Variants in ATP13A4 observed in about 807,000 individuals in gnomAD.
The protein encoded by ATP13A4 is probable cation-transporting ATPase 13A4.
A neutral mutation model predicts 142.5 loss-of-function variants in ATP13A4; 114 were observed. That is an observed-to-expected ratio of 0.80 (90% CI 0.69 to 0.93). The LOEUF (loss-of-function observed/expected upper bound fraction) is 0.93. Among genes scored for constraint, ATP13A4 ranks in the 40% least tolerant of loss-of-function variants. The pLI, the probability that ATP13A4 is intolerant of heterozygous loss-of-function variation, is 0.00. For missense variants in ATP13A4, 1,392 were observed against 1,454.0 expected, an observed-to-expected ratio of 0.96 and a Z score of 0.69; for synonymous variants, 488 against 514.8, an observed-to-expected ratio of 0.95 and a Z score of 0.70.
intron 2 of ATP13A4, among the ~76,000 whole-genome samples, chr3:193,507,376 G>T (rs1177617960): frequency 6.6e-6 from 1 of 151,640 alleles, no homozygotes; most frequent in Non-Finnish European, 1.5e-5. Context: ...ACTCATTGAT[G>T]CTCTTAACAT....
chr3:193,439,856 A>G (rs74659624), intron 21 of ATP13A4, among the ~76,000 whole-genome samples: 10,485 of 152,188 alleles, frequency 0.069, 621 homozygotes, highest in East Asian at 0.18. Flanking sequence ...TGAGCTGAGA[A>G]GCTAGCCTGA....
chr3:193,447,139 A>C (rs1451599929), intron 18 of ATP13A4, among the ~76,000 whole-genome samples: 1 of 152,242 alleles, frequency 6.6e-6, no homozygotes, highest in African/African-American at 2.4e-5. Context: ...AAGGAGGAAC[A>C]CTTGTACATA....
intron 13 of ATP13A4, among the ~76,000 whole-genome samples, chr3:193,461,297 C>T (rs1239847223): frequency 6.6e-6 from 1 of 152,198 alleles, no homozygotes; most frequent in African/African-American, 2.4e-5. Flanking sequence ...TTACTGTGCA[C>T]CTACTATTTG....
intron 25 of ATP13A4, among the ~76,000 whole-genome samples, chr3:193,431,604 T>C (rs1292691255): frequency 8.7e-6 from 1 of 115,050 alleles, no homozygotes; most frequent in Admixed American, 7.7e-5. Context: ...TATATATGCA[T>C]GTGTGTGTGT....
At chr3:193,539,929 A>G (rs1722794046) in intron 1 of ATP13A4, among the ~76,000 whole-genome samples, 1 of 151,880 alleles carries the variant, frequency 6.6e-6, no homozygotes, top group Non-Finnish European at 1.5e-5. Flanking sequence ...TGTTGTTAAA[A>G]CTCAAAATTA....
In ATP13A4 at chr3:193,511,836, A is replaced by G. The variant is rs141205363; in HGVS notation, c.234+2862T>C. 1.3e-3 allele frequency among the ~76,000 whole-genome samples: 205 copies of G among 152,344 alleles called. 1 individual carries two copies. Among genetic ancestry groups the G allele is most frequent in the African/African-American group, 4.8e-3 (198 of 41,584 alleles). ...TCCTAAAAAGTTAGGTAACAAACCT[A>G]AAGTACTAGGACAAGAAATCAAAAC... On this transcript the variant is annotated intron_variant, in intron 2 of 29. Transcript: ENST00000342695.
chr3:193,522,974 T>C (rs1255776403), intron 1 of ATP13A4, among the ~76,000 whole-genome samples: 3 of 152,208 alleles, frequency 2.0e-5, no homozygotes. Flanking sequence ...CCTTGGAATG[T>C]TCTGAATAAC....
chr3:193,498,806 T>A (rs1006173407), intron 3 of ATP13A4, among the ~76,000 whole-genome samples: 1 of 152,230 alleles, frequency 6.6e-6, no homozygotes, highest in African/African-American at 2.4e-5. Context: ...ATTGGACAGA[T>A]TATGTCTATA....
chr3:193,542,828 T>C (rs1723007310), intron 1 of ATP13A4, among the ~76,000 whole-genome samples: 1 of 152,002 alleles, frequency 6.6e-6, no homozygotes, highest in Admixed American at 6.6e-5. Context: ...AAAAATTAAC[T>C]CAATATGGAT....
intron 1 of ATP13A4, among the ~76,000 whole-genome samples, chr3:193,584,068 G>A (rs1260085255): frequency 1.3e-5 from 2 of 152,138 alleles, no homozygotes; most frequent in African/African-American, 4.8e-5. Flanking sequence ...CTGGAGCTGC[G>A]TAGTACACAG....
intron 1 of ATP13A4, among the ~76,000 whole-genome samples, chr3:193,552,219 G>A (rs934836284): frequency 8.5e-5 from 13 of 152,136 alleles, no homozygotes; most frequent in South Asian, 2.1e-4. Context: ...TGATCCGCCC[G>A]CCTCGGCCTC....
At chr3:193,481,198 A>G (rs1049614725) in intron 8 of ATP13A4, among the ~76,000 whole-genome samples, 3 of 152,318 alleles carry the variant, frequency 2.0e-5, no homozygotes, top group Non-Finnish European at 2.9e-5. Context: ...TGATGGCTGC[A>G]CCAAAATCTC....
intron 1 of ATP13A4, among the ~76,000 whole-genome samples, chr3:193,535,572 T>G (rs929486879): frequency 6.6e-6 from 1 of 152,154 alleles, no homozygotes; most frequent in Non-Finnish European, 1.5e-5. Context: ...ACTAACTGCA[T>G]ATATTAGAAA....
At chr3:193,533,331 T>C (rs1156659825) in intron 1 of ATP13A4, among the ~76,000 whole-genome samples, 1 of 152,066 alleles carries the variant, frequency 6.6e-6, no homozygotes, top group South Asian at 2.1e-4. Flanking sequence ...ATGGATTTTA[T>C]ATAGAAAACA....
At chr3:193,481,068 A>G (rs1719264040) in intron 8 of ATP13A4, among the ~76,000 whole-genome samples, 1 of 152,168 alleles carries the variant, frequency 6.6e-6, no homozygotes, top group African/African-American at 2.4e-5. Flanking sequence ...AGTGGGAGCT[A>G]AGCTATGAGG....
Position 193,459,087 on chromosome 3 carries a change from G to A in ATP13A4, c.1668C>T (p.Thr556=). The A allele has an allele frequency of 1.2e-6, 2 of 1,614,222 alleles. No homozygotes were observed. Among genetic ancestry groups the A allele is most frequent in the Non-Finnish European group, 1.7e-6 (2 of 1,180,032 alleles). The change falls in exon 14 of 30, where the codon ACC becomes ACT. Residue 556 remains threonine (T), a synonymous_variant. Transcript: ENST00000342695. ...CTGAAGAGCAGAGGCTTACCCAGGT[G>A]GTGGCTTCAAACATTTTGAGGTCCA... ...DPLDLKMFEA[T]TWEMAFSGDD...
At chr3:193,468,813 A>T (rs1455763830) in intron 9 of ATP13A4, among the ~76,000 whole-genome samples, 2 of 152,244 alleles carry the variant, frequency 1.3e-5, no homozygotes, top group Non-Finnish European at 2.9e-5. Flanking sequence ...TTGGCAGGTC[A>T]TAGGGACAGA....
At chr3:193,531,315 G>GGAGGGAAGGAGGGGA (rs760523129) in intron 1 of ATP13A4, among the ~76,000 whole-genome samples, 1 of 92,732 alleles carries the variant, frequency 1.1e-5, no homozygotes, top group Non-Finnish European at 2.3e-5. Flanking sequence ...AGGAAGGAAG[G>GGAGGGAAGGAGGGGA]AAGGAAGGAA....
intron 21 of ATP13A4, 41 bp from the exon 22 acceptor site, chr3:193,439,106 A>G (rs1389514087): frequency 6.5e-7 from 1 of 1,537,488 alleles, no homozygotes; most frequent in Non-Finnish European, 9.0e-7. Flanking sequence ...GATCAAACCT[A>G]TCTTGCTAAT....
Sources: gnomAD v4.1 joint callset for allele counts (sites outside exome capture counted in the v4.1 genomes callset) on GRCh38, gnomAD v4.1.1 for gene constraint, MANE v1.5 for transcripts, NCBI Gene and HGNC (gene_info 2026-07-23, HGNC 2026-07-21) for gene names.